Variants in SEPTIN9 observed in about 807,000 individuals in gnomAD.
The protein encoded by SEPTIN9 is septin 9.
In SEPTIN9, 13 loss-of-function variants were observed where a neutral mutation model predicts 56.6. The observed-to-expected ratio is 0.23, with a 90% CI of 0.15 to 0.37. The LOEUF is 0.37. Among genes scored for constraint, SEPTIN9 ranks in the 10% least tolerant of loss-of-function variants. The pLI is 1.00. For missense variants in SEPTIN9, 650 were observed against 823.1 expected (o/e 0.79, Z 2.57); for synonymous variants, 332 against 334.1 (o/e 0.99, Z 0.07).
chr17:77,447,350 AC>A (rs1359691379), intron 3 of SEPTIN9, among the ~76,000 whole-genome samples: 1 of 152,068 alleles, frequency 6.6e-6, no homozygotes, highest in African/African-American at 2.4e-5. Flanking sequence ...CTCAGCCCCC[AC>A]GTCTGCATCG....
At chr17:77,350,610 AGTGTGTGTGT>A (rs57851361) in intron 2 of SEPTIN9, among the ~76,000 whole-genome samples, 7 of 149,396 alleles carry the variant, frequency 4.7e-5, no homozygotes, top group African/African-American at 9.9e-5. Context: ...CCTCCAGTGC[AGTGTGTGTGT>A]GTGTGTGTGT....
At chr17:77,442,804 C>T (rs971421299) in intron 3 of SEPTIN9, among the ~76,000 whole-genome samples, 1 of 151,578 alleles carries the variant, frequency 6.6e-6, no homozygotes. Context: ...ACCCACGAGG[C>T]GGAGGTTGCA....
At chr17:77,493,306 T>G in intron 10 of SEPTIN9, 1 of 555,416 alleles carries the variant, frequency 1.8e-6, no homozygotes, top group Non-Finnish European at 3.2e-6. Flanking sequence ...AGGGAAAGAT[T>G]CAGGGAGACA....
At position 77,486,879 on chromosome 17, in the gene SEPTIN9, G is replaced by A. The variant is rs977375932; in HGVS notation, c.914-545G>A. 3.3e-5 allele frequency among the ~76,000 whole-genome samples: 5 copies of A among 152,282 alleles called. No homozygotes were observed. The East Asian group carries it at 5.8e-4, about 18-fold the overall frequency. The stretch of plus-strand genomic sequence containing the variant: ...TGCCTGATGCTCACACCAGCTCCAC[G>A]GGGGAAGGACTGTTTATCCCATTTT... On this transcript the variant is annotated intron_variant, in intron 4 of 11. Transcript: ENST00000427177.
rs562543106 is a variant in SEPTIN9, at chr17:77,347,750, G to A, written c.76+40553G>A. Among the ~76,000 whole-genome samples, 18 of 152,106 alleles carry A rather than the reference G, an allele frequency of 1.2e-4. 1 individual carries two copies. The South Asian group carries it at 3.3e-3, about 28-fold the overall frequency. ...GTATACAGTAGAAACTGTACTTTAAGTATGTGTGAAACCATTGTGTTTCTC... is the reference window on the plus strand; with the variant it reads ...GTATACAGTAGAAACTGTACTTTAAATATGTGTGAAACCATTGTGTTTCTC... On this transcript the variant is annotated intron_variant, in intron 2 of 11. Coordinates refer to ENST00000427177, the MANE Select transcript of SEPTIN9 (RefSeq NM_001113491.2).
intron 2 of SEPTIN9, among the ~76,000 whole-genome samples, chr17:77,353,678 G>C (rs2034130547): frequency 6.6e-6 from 1 of 152,186 alleles, no homozygotes; most frequent in Admixed American, 6.5e-5. Flanking sequence ...ATCATTTTTA[G>C]GGCAGGGAAT....
intron 1 of SEPTIN9, chr17:77,288,145 A>C: frequency 9.4e-7 from 1 of 1,062,372 alleles, no homozygotes; most frequent in Non-Finnish European, 1.1e-6. Flanking sequence ...CTGGGGTTTC[A>C]GAGAAGGGGT....
chr17:77,438,519 C>G (rs989201188), intron 3 of SEPTIN9, among the ~76,000 whole-genome samples: 1 of 152,198 alleles, frequency 6.6e-6, no homozygotes, highest in Non-Finnish European at 1.5e-5. Context: ...CCTGGATGAT[C>G]CACACGGGCC....
intron 2 of SEPTIN9, among the ~76,000 whole-genome samples, chr17:77,354,638 C>T (rs2034166581): frequency 6.6e-6 from 1 of 152,146 alleles, no homozygotes; most frequent in South Asian, 2.1e-4. Flanking sequence ...CTCCCAGCAG[C>T]TGGGGTGGAT....
At chr17:77,294,715 A>G (rs2031727175) in intron 1 of SEPTIN9, 1 of 152,788 alleles carries the variant, frequency 6.5e-6, no homozygotes, top group Non-Finnish European at 1.5e-5. Flanking sequence ...CTCCACATTG[A>G]AGGAACTGAA....
intron 2 of SEPTIN9, among the ~76,000 whole-genome samples, chr17:77,353,044 T>C (rs985423625): frequency 2.0e-5 from 3 of 152,212 alleles, no homozygotes; most frequent in Admixed American, 2.0e-4. Flanking sequence ...AAAGACCCTA[T>C]GTCCATATAA....
chr17:77,372,191 G>A (rs941706530), intron 2 of SEPTIN9, among the ~76,000 whole-genome samples: 1 of 152,228 alleles, frequency 6.6e-6, no homozygotes, highest in Non-Finnish European at 1.5e-5. Flanking sequence ...GGCAGAGGCC[G>A]AGGGTCTAAG....
rs543476794 is a variant in SEPTIN9, at chr17:77,389,639, C to T, written c.77-12420C>T. Among the ~76,000 whole-genome samples, 26 of 152,126 alleles carry T rather than the reference C, an allele frequency of 1.7e-4. No homozygotes were observed. The South Asian group carries it at 4.8e-3, about 28-fold the overall frequency. On this transcript the variant is annotated intron_variant, in intron 2 of 11. Transcript: ENST00000427177. The surrounding 1 kb of genome is among the most constrained non-coding windows in gnomAD (Gnocchi z 4.3). ...CTCTCCTACCCCCAGGCAGGCCACACCTAGACCCTCCCACACAGATCCGTC... is the reference window on the plus strand; with the variant it reads ...CTCTCCTACCCCCAGGCAGGCCACATCTAGACCCTCCCACACAGATCCGTC...
Position 77,433,953 on chromosome 17 carries a change from G to A in SEPTIN9, c.721+31250G>A, listed in dbSNP as rs542104745. Among the ~76,000 whole-genome samples, 17 of 152,334 alleles carry A rather than the reference G, an allele frequency of 1.1e-4. No individual in the cohort carries two copies. In the East Asian group the frequency reaches 1.4e-3, roughly 12 times the overall value. On this transcript the variant is annotated intron_variant, in intron 3 of 11. Coordinates refer to ENST00000427177, the MANE Select transcript of SEPTIN9 (RefSeq NM_001113491.2). The surrounding 1 kb of genome is among the most constrained non-coding windows in gnomAD (Gnocchi z 6.4). ...TGCTGTGGGGCCTCCCCCGATCGGGGGACTTCCCAGCACAGAGCTTTCTGG... is the reference window on the plus strand; with the variant it reads ...TGCTGTGGGGCCTCCCCCGATCGGGAGACTTCCCAGCACAGAGCTTTCTGG...
At chr17:77,416,535 C>G (rs2036514851) in intron 3 of SEPTIN9, among the ~76,000 whole-genome samples, 1 of 152,176 alleles carries the variant, frequency 6.6e-6, no homozygotes, top group East Asian at 1.9e-4. Context: ...CTGGTCTGTG[C>G]CTGGAGCCAG....
chr17:77,372,309 G>A (rs1161122219), intron 2 of SEPTIN9, among the ~76,000 whole-genome samples: 1 of 152,208 alleles, frequency 6.6e-6, no homozygotes, highest in African/African-American at 2.4e-5. Context: ...GGCCCTTCTT[G>A]AGGATGAGAG....
intron 2 of SEPTIN9, among the ~76,000 whole-genome samples, chr17:77,383,118 G>T (rs1598285619): frequency 6.6e-6 from 1 of 151,968 alleles, no homozygotes; most frequent in East Asian, 1.9e-4. Context: ...GCCAGCTGTT[G>T]CCTGCCCTAC....
chr17:77,488,840 A>T lies in SEPTIN9; in HGVS notation c.1238A>T (p.Tyr413Phe). Residue 413 changes from tyrosine (Y) to phenylalanine (F), a missense_variant, in exon 7 of 12, where the codon TAC (tyrosine) becomes TTC (phenylalanine). Physicochemically the swap from Tyr to Phe is conservative, Grantham distance 22. This residue lies in a region of SEPTIN9 where 333 missense variants were observed against 494.0 expected (regional missense o/e 0.67). Coordinates refer to ENST00000427177, the MANE Select transcript of SEPTIN9 (RefSeq NM_001113491.2). ...GACACCCGCGTCCACTGCTGCCTCTACTTCATCCCCGCCACCGGCCACTCG... is the reference window on the plus strand; with the variant it reads ...GACACCCGCGTCCACTGCTGCCTCTTCTTCATCCCCGCCACCGGCCACTCG... ...IPDTRVHCCL[Y>F]FIPATGHSLR... 2 of 1,613,650 alleles carry T rather than the reference A, an allele frequency of 1.2e-6. No individual in the cohort carries two copies. The highest frequency in any genetic ancestry group is 1.7e-6 in the Non-Finnish European group (2 of 1,179,854).
In SEPTIN9 at chr17:77,498,952, A is replaced by G. The variant is rs1313384526; in HGVS notation, c.*294A>G. 1 of 551,630 alleles carries G rather than the reference A, an allele frequency of 1.8e-6. No individual in the cohort carries two copies. The highest frequency in any genetic ancestry group is 3.8e-5 in the East Asian group (1 of 26,242). The allele number at this position is 551,630 out of a possible 1,614,324, so 34.2% of individuals were successfully genotyped here. A position where few individuals can be genotyped will look rare whatever the true frequency, so the allele number is the denominator to read the frequency against. ...CAGGCCTGGCTCCCCGAGGGCTCAG[A>G]AGAGCAGCTTCGGTGTGCAGATCAT... On this transcript the variant is annotated 3_prime_UTR_variant, in exon 12 of 12. Coordinates refer to ENST00000427177, the MANE Select transcript of SEPTIN9 (RefSeq NM_001113491.2).
Sources: allele counts gnomAD v4.1 joint callset (sites outside exome capture counted in the v4.1 genomes callset), GRCh38; gene constraint gnomAD v4.1.1; regional missense constraint gnomAD v4.1.1; non-coding constraint Gnocchi (gnomAD v3.1); transcripts MANE v1.5; gene names NCBI Gene and HGNC (gene_info 2026-07-23, HGNC 2026-07-21).